GTF2E2: variants seen among roughly 807,000 people sequenced by gnomAD.
GTF2E2 encodes general transcription factor IIE subunit 2, also known as transcription initiation factor IIE subunit beta.
Under a neutral mutation model 40.5 loss-of-function variants are expected in GTF2E2, and 21 were observed. The observed-to-expected ratio is 0.52, with a 90% confidence interval of 0.37 to 0.75. GTF2E2 has a LOEUF of 0.75. Among genes scored for constraint, GTF2E2 ranks in the 30% least tolerant of loss-of-function variants. The pLI, the probability that GTF2E2 is intolerant of heterozygous loss-of-function variation, is 0.00. For synonymous variants in GTF2E2, 117 were observed against 121.6 expected, an observed-to-expected ratio of 0.96 and a Z score of 0.25; for missense variants, 298 against 338.4, an observed-to-expected ratio of 0.88 and a Z score of 0.94.
intron 3 of GTF2E2, among the ~76,000 whole-genome samples, chr8:30,619,130 CGAG>C (rs1481904993): frequency 6.6e-6 from 1 of 151,930 alleles, no homozygotes; most frequent in Non-Finnish European, 1.5e-5. Flanking sequence ...TTAGTAAAGA[CGAG>C]GTTTCACCAT....
At chr8:30,643,023 A>G (rs1801906587) in intron 2 of GTF2E2, among the ~76,000 whole-genome samples, 2 of 152,306 alleles carry the variant, frequency 1.3e-5, no homozygotes, top group South Asian at 2.1e-4. Flanking sequence ...TTTTCCTTCA[A>G]AATGCAGGAA....
At position 30,594,551 on chromosome 8, in the gene GTF2E2, C is replaced by CT. The variant is rs1361139897; in HGVS notation, c.643+12505dup. Among the ~76,000 whole-genome samples, 154 of 135,688 alleles carry CT rather than the reference C, an allele frequency of 1.1e-3. 2 individuals are homozygous for CT. The highest frequency in any genetic ancestry group is 1.5e-3 in the East Asian group (7 of 4,538). The allele number at this position is 135,688 out of a possible 152,430, so 89.0% of individuals were successfully genotyped here. A position where few individuals can be genotyped will look rare whatever the true frequency, so the allele number is the denominator to read the frequency against. ...ATACTAGACAGCTGCAGGAATGGATCTTTAAAAAAAAAAAAAAAAAAAGTG... is the reference window on the plus strand; with the variant it reads ...ATACTAGACAGCTGCAGGAATGGATCTTTTAAAAAAAAAAAAAAAAAAAGTG... On this transcript the variant is annotated intron_variant, in intron 6 of 7. Coordinates refer to ENST00000355904, the MANE Select transcript of GTF2E2 (RefSeq NM_002095.6).
chr8:30,631,244 C>G (rs1012188844), intron 3 of GTF2E2, among the ~76,000 whole-genome samples: 2 of 152,088 alleles, frequency 1.3e-5, no homozygotes, highest in Non-Finnish European at 2.9e-5. Context: ...AGGCTGGTCT[C>G]AAACTCAAGT....
chr8:30,608,420 T>C (rs1353880370), intron 5 of GTF2E2, among the ~76,000 whole-genome samples: 1 of 152,246 alleles, frequency 6.6e-6, no homozygotes. Context: ...TTTTGATGTG[T>C]TTTCCAAAAA....
rs1214028303 is a variant in GTF2E2 at position 30,628,925 on chromosome 8, C to T, written c.258+6107G>A. ...CAGCCTGGGCAAGAGAGTGAGACTC[C>T]GTCTCAAAAAAAAAAAAAAAAAATT... On this transcript the variant is annotated intron_variant, in intron 3 of 7. Transcript: ENST00000355904. Among the ~76,000 whole-genome samples the T allele has an allele frequency of 5.4e-5, 8 of 146,920 alleles. No individual in the cohort carries two copies. In the South Asian group the frequency reaches 1.1e-3, roughly 20 times the overall value.
chr8:30,634,294 G>C (rs554525886), intron 3 of GTF2E2, among the ~76,000 whole-genome samples: 1 of 152,024 alleles, frequency 6.6e-6, no homozygotes, highest in South Asian at 2.1e-4. Flanking sequence ...CTAAAAATAA[G>C]AAAATTAGCC....
chr8:30,611,217 T>C (rs1454533114), intron 5 of GTF2E2, among the ~76,000 whole-genome samples: 71 of 152,066 alleles, frequency 4.7e-4, no homozygotes, highest in South Asian at 2.1e-4. Context: ...ACAAAACAAA[T>C]AGAAACACTC....
chr8:30,623,790 G>A lies in GTF2E2; in HGVS notation c.259-9075C>T, dbSNP rs1188935116. ...AGTGATGATGAGCATTTTTTCATGTGTCTGTTGGCTGCATAAATGTCTTCT... is the reference window on the plus strand; with the variant it reads ...AGTGATGATGAGCATTTTTTCATGTATCTGTTGGCTGCATAAATGTCTTCT... On this transcript the variant is annotated intron_variant, in intron 3 of 7. Transcript: ENST00000355904. Among the ~76,000 whole-genome samples, 2 of 151,998 alleles carry A rather than the reference G, an allele frequency of 1.3e-5. 1 individual carries two copies. The highest frequency in any genetic ancestry group is 4.8e-5 in the African/African-American group (2 of 41,314).
chr8:30,640,854 G>A (rs186244048), intron 2 of GTF2E2, among the ~76,000 whole-genome samples: 34 of 152,168 alleles, frequency 2.2e-4, no homozygotes, highest in Admixed American at 1.6e-3. Context: ...ACACACACCC[G>A]CCACCACAAC....
intron 6 of GTF2E2, among the ~76,000 whole-genome samples, chr8:30,581,813 C>T (rs192979258): frequency 1.3e-5 from 2 of 152,090 alleles, no homozygotes; most frequent in African/African-American, 2.4e-5. Context: ...TGATAGTCGG[C>T]GTATTTCCAT....
At position 30,653,551 on chromosome 8, in the gene GTF2E2, A is replaced by G; in HGVS notation, c.48T>C (p.Ala16=). 1 of 1,613,348 alleles carries G rather than the reference A, an allele frequency of 6.2e-7. No individual in the cohort carries two copies. The highest frequency in any genetic ancestry group is 8.5e-7 in the Non-Finnish European group (1 of 1,179,414). ...LRERELFKKR[A]LSTPVVEKRS... is the part of the protein sequence containing the mutation. Reference sequence around the variant, plus strand: ...GTTTTTCTACTACAGGAGTAGAAAGAGCTCGTTTTTTGAACAGCTCCCTTT... The same window carrying G: ...GTTTTTCTACTACAGGAGTAGAAAGGGCTCGTTTTTTGAACAGCTCCCTTT... The change falls in exon 2 of 8, where the codon GCT becomes GCC. Residue 16 remains alanine (A), a synonymous_variant. Transcript: ENST00000355904.
chr8:30,620,484 T>TA (rs1042430685), intron 3 of GTF2E2, among the ~76,000 whole-genome samples: 8 of 152,092 alleles, frequency 5.3e-5, no homozygotes, highest in African/African-American at 1.5e-4. Flanking sequence ...CTTATACTGT[T>TA]AAAAAAATTA....
At chr8:30,636,601 ATAACAT>A (rs1415255156) in intron 2 of GTF2E2, among the ~76,000 whole-genome samples, 1 of 152,216 alleles carries the variant, frequency 6.6e-6, no homozygotes, top group Non-Finnish European at 1.5e-5. Context: ...AAAAGTAACA[ATAACAT>A]TAAGAATGCC....
Position 30,580,350 on chromosome 8 carries a change from C to T in GTF2E2, c.690G>A (p.Glu230=), listed in dbSNP as rs1256302989. The T allele has an allele frequency of 6.2e-7, 1 of 1,610,388 alleles. No homozygotes were observed. Among genetic ancestry groups the T allele is most frequent in the African/African-American group, 1.3e-5 (1 of 74,852 alleles). The change falls in exon 7 of 8, where the codon GAG becomes GAA. Residue 230 remains glutamate, a synonymous_variant. Coordinates refer to ENST00000355904, the MANE Select transcript of GTF2E2 (RefSeq NM_002095.6). The part of the protein sequence containing the change: ...WRSVTVDSMD[E]EKIEEYLKRQ... ...GCTTCAGATATTCTTCAATTTTCTCCTCGTCCATGGAATCTACAGTGACAC... is the reference window on the plus strand; with the variant it reads ...GCTTCAGATATTCTTCAATTTTCTCTTCGTCCATGGAATCTACAGTGACAC...
chr8:30,637,141 C>G (rs959027758), intron 2 of GTF2E2: 1 of 446,090 alleles, frequency 2.2e-6, no homozygotes, highest in African/African-American at 2.0e-5. Context: ...TAATAAACAG[C>G]CTTTACACAG....
intron 3 of GTF2E2, among the ~76,000 whole-genome samples, chr8:30,629,688 C>CAAAAA (rs10707910): frequency 4.2e-5 from 3 of 70,952 alleles, no homozygotes; most frequent in African/African-American, 5.9e-5. Flanking sequence ...GATTCCATCT[C>CAAAAA]AAAAAAAAAA....
chr8:30,624,528 G>GT (rs1281114487), intron 3 of GTF2E2, among the ~76,000 whole-genome samples: 1 of 152,038 alleles, frequency 6.6e-6, no homozygotes, highest in Admixed American at 6.6e-5. Flanking sequence ...CTTGAAAGTA[G>GT]TTTTTTCCAA....
chr8:30,620,271 C>A (rs1338329818), intron 3 of GTF2E2, among the ~76,000 whole-genome samples: 50 of 150,880 alleles, frequency 3.3e-4, no homozygotes, highest in African/African-American at 1.1e-3. Context: ...CACACACACA[C>A]ACGTATACAT....
chr8:30,590,457 G>C (rs775550856), intron 6 of GTF2E2, among the ~76,000 whole-genome samples: 3 of 152,114 alleles, frequency 2.0e-5, no homozygotes, highest in African/African-American at 4.8e-5. Flanking sequence ...GGGTTATACA[G>C]TAGTATATAT....
Sources: gnomAD v4.1 joint callset for allele counts (sites outside exome capture counted in the v4.1 genomes callset) on GRCh38, gnomAD v4.1.1 for gene constraint, MANE v1.5 for transcripts, NCBI Gene and HGNC (gene_info 2026-07-23, HGNC 2026-07-21) for gene names.